RASGRF2: variants seen among roughly 807,000 people sequenced by gnomAD.
The protein encoded by RASGRF2 is ras-specific guanine nucleotide-releasing factor 2.
Under a neutral mutation model 151.0 loss-of-function variants are expected in RASGRF2, and 76 were observed. The ratio of observed to expected loss-of-function variants is 0.50; its 90% CI spans 0.42 to 0.61. The LOEUF (loss-of-function observed/expected upper bound fraction) is 0.61. Among genes scored for constraint, RASGRF2 ranks in the 20% least tolerant of loss-of-function variants. The pLI, the probability that RASGRF2 is intolerant of heterozygous loss-of-function variation, is 0.00. For missense variants in RASGRF2, 1,148 were observed against 1,564.6 expected, an observed-to-expected ratio of 0.73 and a Z score of 4.49; for synonymous variants, 504 against 566.5, an observed-to-expected ratio of 0.89 and a Z score of 1.57.
intron 12 of RASGRF2, among the ~76,000 whole-genome samples, chr5:81,104,173 G>A (rs1752779155): frequency 1.3e-5 from 2 of 152,190 alleles, no homozygotes; most frequent in African/African-American, 4.8e-5. Context: ...ATCCTTAACA[G>A]AAAAATGATG....
intron 17 of RASGRF2, among the ~76,000 whole-genome samples, chr5:81,127,690 G>A (rs1283496381): frequency 7.2e-5 from 11 of 151,794 alleles, no homozygotes; most frequent in Middle Eastern, 3.2e-3. Flanking sequence ...TTGGGAGGCC[G>A]AGGCAAGCGG....
intron 12 of RASGRF2, among the ~76,000 whole-genome samples, chr5:81,099,733 A>G (rs973528691): frequency 2.0e-5 from 3 of 152,086 alleles, no homozygotes; most frequent in Non-Finnish European, 4.4e-5. Flanking sequence ...CATTTCTGTA[A>G]TTATCAATGA....
At chr5:81,166,563 G>T (rs1427171456) in intron 17 of RASGRF2, among the ~76,000 whole-genome samples, 1 of 152,154 alleles carries the variant, frequency 6.6e-6, no homozygotes, top group East Asian at 1.9e-4. Flanking sequence ...AAGCAAGAAA[G>T]ACACAGCCTC....
At chr5:81,153,083 T>C (rs1754173432) in intron 17 of RASGRF2, among the ~76,000 whole-genome samples, 1 of 152,210 alleles carries the variant, frequency 6.6e-6, no homozygotes, top group African/African-American at 2.4e-5. Flanking sequence ...TGGTACATTA[T>C]GAAATATTTA....
intron 15 of RASGRF2, among the ~76,000 whole-genome samples, chr5:81,121,684 C>T (rs1321697794): frequency 6.6e-6 from 1 of 152,190 alleles, no homozygotes; most frequent in African/African-American, 2.4e-5. Context: ...CATTACCAGT[C>T]AGTTTCTATC....
chr5:81,002,144 C>A (rs573421482), intron 1 of RASGRF2, among the ~76,000 whole-genome samples: 1 of 152,112 alleles, frequency 6.6e-6, no homozygotes, highest in Non-Finnish European at 1.5e-5. Flanking sequence ...TTTTTTTCCT[C>A]CTAGTTTTGC....
At chr5:81,030,352 A>T (rs375478638) in intron 1 of RASGRF2, among the ~76,000 whole-genome samples, 106 of 152,332 alleles carry the variant, frequency 7.0e-4, no homozygotes, top group African/African-American at 2.5e-3. Flanking sequence ...TAATTACCAG[A>T]TGCACCAAAG....
intron 1 of RASGRF2, among the ~76,000 whole-genome samples, chr5:81,039,477 A>G (rs775098299): frequency 2.0e-5 from 3 of 152,184 alleles, no homozygotes; most frequent in Non-Finnish European, 2.9e-5. Context: ...TCCACACCCA[A>G]TAATCTATAT....
At chr5:81,161,480 G>A (rs1754382712) in intron 17 of RASGRF2, among the ~76,000 whole-genome samples, 1 of 152,066 alleles carries the variant, frequency 6.6e-6, no homozygotes, top group Admixed American at 6.5e-5. Context: ...TCATCATCTG[G>A]GCTGATGATG....
chr5:81,016,757 T>C (rs1378496662), intron 1 of RASGRF2, among the ~76,000 whole-genome samples: 1 of 152,240 alleles, frequency 6.6e-6, no homozygotes, highest in Non-Finnish European at 1.5e-5. Context: ...GTGGATTTTA[T>C]GAAGGCTAAT....
At chr5:81,136,553 T>C (rs2112590927) in intron 17 of RASGRF2, among the ~76,000 whole-genome samples, 1 of 152,348 alleles carries the variant, frequency 6.6e-6, no homozygotes, top group Non-Finnish European at 1.5e-5. Context: ...AACTTCTCTT[T>C]ATCTTTAGTT....
intron 1 of RASGRF2, among the ~76,000 whole-genome samples, chr5:80,968,558 C>CT (rs1311336763): frequency 6.6e-6 from 1 of 152,062 alleles, no homozygotes; most frequent in Non-Finnish European, 1.5e-5. Context: ...AGGTAGCCCT[C>CT]TTTTTTGTTT....
chr5:81,007,926 C>T (rs1304961147), intron 1 of RASGRF2, among the ~76,000 whole-genome samples: 5 of 152,086 alleles, frequency 3.3e-5, no homozygotes, highest in African/African-American at 9.7e-5. Context: ...ATCCTCATCC[C>T]TTGGCCATGG....
chr5:81,119,282 G>A (rs182290801), intron 15 of RASGRF2, among the ~76,000 whole-genome samples: 1 of 152,348 alleles, frequency 6.6e-6, no homozygotes, highest in East Asian at 1.9e-4. Flanking sequence ...GAACAGAAAT[G>A]TATCTCTCAC....
intron 17 of RASGRF2, among the ~76,000 whole-genome samples, chr5:81,164,362 T>G (rs995283426): frequency 6.6e-6 from 1 of 152,024 alleles, no homozygotes; most frequent in African/African-American, 2.4e-5. Flanking sequence ...GTCCAAGAGG[T>G]TAGTTTACTT....
chr5:81,097,001 G>T (rs552226310), intron 12 of RASGRF2, among the ~76,000 whole-genome samples: 6 of 151,038 alleles, frequency 4.0e-5, no homozygotes, highest in African/African-American at 1.5e-4. Context: ...TCGCTCTGTC[G>T]CCCAGGCTGG....
intron 23 of RASGRF2, among the ~76,000 whole-genome samples, chr5:81,215,433 A>C (rs1217120261): frequency 1.3e-5 from 2 of 151,532 alleles, no homozygotes; most frequent in Non-Finnish European, 2.9e-5. Context: ...ACCATACCCG[A>C]CTAATTTTTG....
At chr5:81,079,632 T>A (rs1370147700) in intron 5 of RASGRF2, among the ~76,000 whole-genome samples, 1 of 152,326 alleles carries the variant, frequency 6.6e-6, no homozygotes, top group East Asian at 1.9e-4. Context: ...TTTCAGAAGA[T>A]TCTTTTGCAT....
chr5:80,987,254 GC>G (rs1462977808), intron 1 of RASGRF2, among the ~76,000 whole-genome samples: 2 of 152,162 alleles, frequency 1.3e-5, no homozygotes, highest in African/African-American at 4.8e-5. Context: ...AGAGGTAGGA[GC>G]TCCCATTTGT....
Sources: gnomAD v4.1 joint callset for allele counts (sites outside exome capture counted in the v4.1 genomes callset) on GRCh38, gnomAD v4.1.1 for gene constraint, MANE v1.5 for transcripts, NCBI Gene and HGNC (gene_info 2026-07-23, HGNC 2026-07-21) for gene names.